NKAIN2: variants seen among roughly 807,000 people sequenced by gnomAD.
NKAIN2 encodes the protein sodium/potassium-transporting ATPase subunit beta-1-interacting protein 2.
In NKAIN2, 14 loss-of-function variants were observed where a neutral mutation model predicts 32.6. That is an observed-to-expected ratio of 0.43 (90% CI 0.28 to 0.67). The LOEUF is 0.67. Among genes scored for constraint, NKAIN2 ranks in the 30% least tolerant of loss-of-function variants. NKAIN2 has a pLI of 0.17. For synonymous variants in NKAIN2, 80 were observed against 87.2 expected (o/e 0.92, Z 0.46); for missense variants, 198 against 258.3 (o/e 0.77, Z 1.60).
At chr6:123,844,823 G>A (rs1356917428) in intron 1 of NKAIN2, among the ~76,000 whole-genome samples, 1 of 152,056 alleles carries the variant, frequency 6.6e-6, no homozygotes, top group Non-Finnish European at 1.5e-5. Flanking sequence ...TATTTATATG[G>A]TCAGTATTAG....
chr6:123,945,962 T>A lies in NKAIN2; in HGVS notation c.54+141708T>A, dbSNP rs569932700. On this transcript the variant is annotated intron_variant, in intron 1 of 6. Transcript: ENST00000368417. Reference sequence around the variant, plus strand: ...ATGGTAACATCTGTTTCTGACACTGTATCATTTCCTTAAACTTAACGTTTT... The same window carrying A: ...ATGGTAACATCTGTTTCTGACACTGAATCATTTCCTTAAACTTAACGTTTT... 6.6e-5 allele frequency among the ~76,000 whole-genome samples: 10 copies of A among 152,326 alleles called. No individual in the cohort carries two copies. In the East Asian group the frequency reaches 1.2e-3, roughly 18 times the overall value.
intron 3 of NKAIN2, among the ~76,000 whole-genome samples, chr6:124,410,080 C>T (rs1303332381): frequency 6.6e-6 from 1 of 152,080 alleles, no homozygotes; most frequent in East Asian, 1.9e-4. Context: ...TGATTCTTCT[C>T]TCTTTTCTTC....
chr6:124,511,566 T>G (rs972736866), intron 3 of NKAIN2, among the ~76,000 whole-genome samples: 2 of 152,232 alleles, frequency 1.3e-5, no homozygotes, highest in Non-Finnish European at 2.9e-5. Context: ...TGCCTTCAGA[T>G]TTTCTCTACC....
rs1027846528 is a variant in NKAIN2 at position 124,272,928 on chromosome 6, C to T, written c.55-10077C>T. The stretch of plus-strand genomic sequence containing the variant: ...GGCCTGTGGCCACTTTGTTTTGGCA[C>T]ATTTCTCGCATTTGGAATGGAAACA... On this transcript the variant is annotated intron_variant, in intron 1 of 6. Transcript: ENST00000368417. Among the ~76,000 whole-genome samples the T allele has an allele frequency of 1.4e-4, 22 of 152,324 alleles. 1 individual carries two copies. The highest frequency in any genetic ancestry group is 5.3e-4 in the African/African-American group (22 of 41,580).
intron 3 of NKAIN2, among the ~76,000 whole-genome samples, chr6:124,394,092 C>T (rs1773257316): frequency 6.6e-6 from 1 of 152,086 alleles, no homozygotes; most frequent in Non-Finnish European, 1.5e-5. Context: ...GGGTATAATA[C>T]TTGCATTGTC....
intron 1 of NKAIN2, among the ~76,000 whole-genome samples, chr6:124,099,740 C>A (rs186239401): frequency 6.6e-6 from 1 of 152,126 alleles, no homozygotes; most frequent in East Asian, 1.9e-4. Context: ...GTGCTCCTGG[C>A]ATCCAGTGAA....
chr6:124,161,977 A>G (rs942051164), intron 1 of NKAIN2, among the ~76,000 whole-genome samples: 4 of 152,184 alleles, frequency 2.6e-5, no homozygotes, highest in Non-Finnish European at 5.9e-5. Flanking sequence ...AAATAAAATA[A>G]TGAAAAATAA....
rs182745573 is a variant in NKAIN2, at chr6:124,658,088, C to A, written c.274-98C>A. The A allele has an allele frequency of 8.6e-4, 809 of 940,322 alleles. 2 individuals are homozygous for A. Among genetic ancestry groups the A allele is most frequent in the Non-Finnish European group, 6.7e-4 (420 of 627,720 alleles). 58.2% of individuals were successfully genotyped at this position (940,322 alleles called of 1,614,324 possible). A position where few individuals can be genotyped will look rare whatever the true frequency, so the allele number is the denominator to read the frequency against. Reference sequence around the variant, plus strand: ...GGTAGGAAAAAAAAAACAAACAAACCCACATTTCCAAATGGGAAAGTCAAA... The same window carrying A: ...GGTAGGAAAAAAAAAACAAACAAACACACATTTCCAAATGGGAAAGTCAAA... On this transcript the variant is annotated intron_variant, in intron 3 of 6. Coordinates refer to ENST00000368417, the MANE Select transcript of NKAIN2 (RefSeq NM_001040214.3).
chr6:124,377,362 C>T (rs1800037098), intron 3 of NKAIN2, among the ~76,000 whole-genome samples: 1 of 152,282 alleles, frequency 6.6e-6, no homozygotes, highest in East Asian at 1.9e-4. Flanking sequence ...ACCCAGGTTT[C>T]CTAGTCATAT....
chr6:124,641,530 C>CTTTT lies in NKAIN2; in HGVS notation c.274-16620_274-16617dup. Among the ~76,000 whole-genome samples, 165 of 19,536 alleles carry CTTTT rather than the reference C, an allele frequency of 8.4e-3. 70 individuals carry two copies. Among genetic ancestry groups the CTTTT allele is most frequent in the Non-Finnish European group, 0.013 (123 of 9,480 alleles). 12.8% of individuals were successfully genotyped at this position (19,536 alleles called of 152,430 possible). On this transcript the variant is annotated intron_variant, in intron 3 of 6. Coordinates refer to ENST00000368417, the MANE Select transcript of NKAIN2 (RefSeq NM_001040214.3). ...ATACATTTTGTTGTTAAAACACTAG[C>CTTTT]TTTTTTTTTTTTTTTTTTTTTTTTT... is the stretch of plus-strand genomic sequence containing the variant.
intron 3 of NKAIN2, among the ~76,000 whole-genome samples, chr6:124,622,498 C>T (rs1340366703): frequency 6.6e-6 from 1 of 152,208 alleles, no homozygotes; most frequent in Non-Finnish European, 1.5e-5. Flanking sequence ...TTGCTGTCAG[C>T]AGACAGCTTT....
chr6:124,107,588 G>T (rs1785181642), intron 1 of NKAIN2, among the ~76,000 whole-genome samples: 1 of 152,118 alleles, frequency 6.6e-6, no homozygotes, highest in African/African-American at 2.4e-5. Flanking sequence ...ATATTTCAGT[G>T]TACAGTACAG....
At chr6:123,986,856 A>G (rs561685934) in intron 1 of NKAIN2, among the ~76,000 whole-genome samples, 78 of 152,298 alleles carry the variant, frequency 5.1e-4, no homozygotes, top group African/African-American at 1.8e-3. Context: ...TCAGAATGAG[A>G]GATCTCATTC....
chr6:124,013,440 T>C (rs1353275548), intron 1 of NKAIN2, among the ~76,000 whole-genome samples: 1 of 152,192 alleles, frequency 6.6e-6, no homozygotes, highest in African/African-American at 2.4e-5. Flanking sequence ...AAAATTTACA[T>C]AGATAGGCAT....
At chr6:124,136,826 C>A (rs1786816286) in intron 1 of NKAIN2, among the ~76,000 whole-genome samples, 1 of 152,018 alleles carries the variant, frequency 6.6e-6, no homozygotes, top group African/African-American at 2.4e-5. Context: ...ATAAAACCCT[C>A]AGCAAAATTG....
intron 1 of NKAIN2, among the ~76,000 whole-genome samples, chr6:124,202,376 G>C (rs1790634791): frequency 1.3e-5 from 2 of 151,952 alleles, no homozygotes; most frequent in Admixed American, 1.3e-4. Flanking sequence ...CAGAAACCAA[G>C]TCTAATTATG....
At position 124,707,641 on chromosome 6, in the gene NKAIN2, T is replaced by C. The variant is rs368314282; in HGVS notation, c.474+49255T>C. Among the ~76,000 whole-genome samples the C allele has an allele frequency of 5.4e-4, 81 of 150,952 alleles. 2 individuals carry two copies. In the East Asian group the frequency reaches 0.012, roughly 22 times the overall value. ...TTTTTTGGCTGCATAAATGTCTTCT[T>C]TTGAGAAGTGTCTGTTCATGTCCTT... On this transcript the variant is annotated intron_variant, in intron 4 of 6. Transcript: ENST00000368417.
intron 3 of NKAIN2, among the ~76,000 whole-genome samples, chr6:124,460,265 T>C (rs143866499): frequency 2.0e-5 from 3 of 151,916 alleles, no homozygotes; most frequent in African/African-American, 7.2e-5. Context: ...AATATTTTCC[T>C]ATATTTGTCC....
At chr6:124,225,514 C>A (rs1269812771) in intron 1 of NKAIN2, among the ~76,000 whole-genome samples, 1 of 151,844 alleles carries the variant, frequency 6.6e-6, no homozygotes, top group Admixed American at 6.6e-5. Flanking sequence ...TTGGTAACTC[C>A]AGTCTGACTT....
Sources: gnomAD v4.1 joint callset for allele counts (sites outside exome capture counted in the v4.1 genomes callset) on GRCh38, gnomAD v4.1.1 for gene constraint, MANE v1.5 for transcripts, NCBI Gene and HGNC (gene_info 2026-07-23, HGNC 2026-07-21) for gene names.